Variants in SLC4A4 observed in about 807,000 individuals in gnomAD.
The protein encoded by SLC4A4 is electrogenic sodium bicarbonate cotransporter 1.
SLC4A4 carries 27 observed loss-of-function variants against 111.5 expected under a neutral mutation model. The ratio of observed to expected loss-of-function variants is 0.24; its 90% CI spans 0.18 to 0.33. SLC4A4 has a LOEUF of 0.33. SLC4A4 is among the 10% of genes least tolerant of loss of function. The pLI is 1.00. For missense variants in SLC4A4, 909 were observed against 1,315.5 expected, an observed-to-expected ratio of 0.69 and a Z score of 4.78; for synonymous variants, 443 against 463.4, an observed-to-expected ratio of 0.96 and a Z score of 0.57.
intron 7 of SLC4A4, among the ~76,000 whole-genome samples, chr4:71,424,594 AT>A (rs1722916055): frequency 6.6e-6 from 1 of 152,150 alleles, no homozygotes; most frequent in African/African-American, 2.4e-5. Flanking sequence ...ACCAACCCAA[AT>A]GTCCAACAAT....
chr4:71,260,059 T>C (rs1452364524), intron 3 of SLC4A4, among the ~76,000 whole-genome samples: 1 of 152,102 alleles, frequency 6.6e-6, no homozygotes, highest in African/African-American at 2.4e-5. Flanking sequence ...TTTTTTAGCT[T>C]TTTGGATGTG....
upstream of SLC4A4, chr4:71,187,154 C>A (rs1745493060): frequency 6.6e-6 from 1 of 151,770 alleles, no homozygotes; most frequent in African/African-American, 2.4e-5. Flanking sequence ...GTGACTGGCG[C>A]CCCGCTCGCT....
chr4:71,475,589 G>A (rs921909435), intron 14 of SLC4A4, among the ~76,000 whole-genome samples: 1 of 151,844 alleles, frequency 6.6e-6, no homozygotes, highest in Non-Finnish European at 1.5e-5. Flanking sequence ...GCTACCTCTA[G>A]TTGGTACCAA....
intron 3 of SLC4A4, among the ~76,000 whole-genome samples, chr4:71,259,638 AT>A (rs890603239): frequency 9.4e-5 from 14 of 149,514 alleles, no homozygotes; most frequent in South Asian, 2.1e-4. Context: ...TCCACTGTGC[AT>A]TTTTTTTTTC....
At chr4:71,270,385 C>T (rs376256776) in intron 3 of SLC4A4, among the ~76,000 whole-genome samples, 20 of 152,146 alleles carry the variant, frequency 1.3e-4, no homozygotes, top group South Asian at 6.2e-4. Flanking sequence ...CCACCGTGCC[C>T]GGCAGAACCT....
In SLC4A4 at chr4:71,234,726, G is replaced by A. The variant is rs558607742; in HGVS notation, c.-1-1850G>A. Among the ~76,000 whole-genome samples the A allele has an allele frequency of 2.0e-5, 3 of 152,272 alleles. No homozygotes were observed. The South Asian group carries it at 6.2e-4, about 32-fold the overall frequency. On this transcript the variant is annotated intron_variant, in intron 1 of 25. Transcript: ENST00000264485. ...CGGGATTACAGGTGTGAGCCACCACGGCCGGCCTCAAATCTTCAAGGAATT... is the reference window on the plus strand; with the variant it reads ...CGGGATTACAGGTGTGAGCCACCACAGCCGGCCTCAAATCTTCAAGGAATT...
chr4:71,133,431 A>T (rs1297613812), intron 2 of SLC4A4, among the ~76,000 whole-genome samples: 1 of 152,176 alleles, frequency 6.6e-6, no homozygotes, highest in Non-Finnish European at 1.5e-5. Context: ...TGGCTCACAT[A>T]GTTGGCAAAT....
chr4:71,404,333 G>A (rs938728230), intron 7 of SLC4A4, among the ~76,000 whole-genome samples: 2 of 152,322 alleles, frequency 1.3e-5, no homozygotes. Flanking sequence ...GCATCAGGAT[G>A]TGTAGGAACA....
chr4:71,081,518 A>C (rs74937517), intron 1 of SLC4A4, among the ~76,000 whole-genome samples: 1 of 152,154 alleles, frequency 6.6e-6, no homozygotes, highest in African/African-American at 2.4e-5. Flanking sequence ...TACCTCAGCC[A>C]GTGATGCTTT....
chr4:71,241,728 G>A, intron 2 of SLC4A4, among the ~76,000 whole-genome samples: 1 of 152,120 alleles, frequency 6.6e-6, no homozygotes. Flanking sequence ...GAAACTCTTG[G>A]GCAAATACTG....
intron 1 of SLC4A4, among the ~76,000 whole-genome samples, chr4:71,086,376 C>T (rs1361344463): frequency 6.6e-6 from 1 of 151,784 alleles, no homozygotes; most frequent in Non-Finnish European, 1.5e-5. Context: ...TTCCTCTTTT[C>T]CTAATTGAAT....
chr4:71,307,502 G>A (rs1401427390), intron 3 of SLC4A4, among the ~76,000 whole-genome samples: 1 of 152,138 alleles, frequency 6.6e-6, no homozygotes, highest in Non-Finnish European at 1.5e-5. Context: ...GGTTAATTGT[G>A]GTGAATATAG....
chr4:71,416,192 T>C (rs1721808742), intron 7 of SLC4A4, among the ~76,000 whole-genome samples: 2 of 152,230 alleles, frequency 1.3e-5, no homozygotes, highest in Admixed American at 6.5e-5. Context: ...CGTTCTGCCT[T>C]TTCTAGTTTT....
At chr4:71,495,782 T>TTA (rs1362098366) in intron 15 of SLC4A4, among the ~76,000 whole-genome samples, 2 of 152,026 alleles carry the variant, frequency 1.3e-5, no homozygotes, top group African/African-American at 4.8e-5. Context: ...TTGCAAGGTG[T>TTA]TTTCAAATAA....
chr4:71,453,837 T>C (rs889319376), intron 12 of SLC4A4, among the ~76,000 whole-genome samples, 168 bp downstream of exon 12: 1 of 152,156 alleles, frequency 6.6e-6, no homozygotes, highest in Non-Finnish European at 1.5e-5. Context: ...ATTTCCAGCA[T>C]TTTAGTAATT....
chr4:71,397,957 G>C (rs1321983617), intron 7 of SLC4A4, among the ~76,000 whole-genome samples: 2 of 152,090 alleles, frequency 1.3e-5, no homozygotes, highest in African/African-American at 4.8e-5. Flanking sequence ...GGGATTAAAC[G>C]AGATAACTTA....
At chr4:71,322,494 C>G (rs555025463) in intron 3 of SLC4A4, among the ~76,000 whole-genome samples, 2 of 151,974 alleles carry the variant, frequency 1.3e-5, no homozygotes, top group Admixed American at 1.3e-4. Flanking sequence ...TGCACTCGAA[C>G]AAATCTGTAG....
At chr4:71,171,493 G>C (rs1048288182) in intron 2 of SLC4A4, among the ~76,000 whole-genome samples, 2 of 152,152 alleles carry the variant, frequency 1.3e-5, no homozygotes, top group Non-Finnish European at 2.9e-5. Context: ...TAGAACAGGG[G>C]TAATTTTTAT....
At chr4:71,427,970 A>G (rs1723296859) in intron 7 of SLC4A4, among the ~76,000 whole-genome samples, 1 of 152,162 alleles carries the variant, frequency 6.6e-6, no homozygotes, top group Non-Finnish European at 1.5e-5. Flanking sequence ...ACTGTAAGAG[A>G]AAGAAGTCAG....
Sources: allele counts gnomAD v4.1 joint callset (sites outside exome capture counted in the v4.1 genomes callset), GRCh38; gene constraint gnomAD v4.1.1; transcripts MANE v1.5; gene names NCBI Gene and HGNC (gene_info 2026-07-23, HGNC 2026-07-21).